Variants in SRGAP3 observed in about 807,000 individuals in gnomAD.
The protein encoded by SRGAP3 is SLIT-ROBO Rho GTPase activating protein 3.
In SRGAP3, 39 loss-of-function variants were observed where a neutral mutation model predicts 121.1. The ratio of observed to expected loss-of-function variants is 0.32; its 90% confidence interval spans 0.25 to 0.42. The LOEUF is 0.42. SRGAP3 is among the 10% of genes least tolerant of loss of function. The pLI, the probability that SRGAP3 is intolerant of heterozygous loss-of-function variation, is 1.00. For synonymous variants in SRGAP3, 601 were observed against 570.0 expected (o/e 1.05, Z -0.77); for missense variants, 1,213 against 1,470.6 (o/e 0.82, Z 2.86).
intron 1 of SRGAP3, among the ~76,000 whole-genome samples, chr3:9,355,437 T>C (rs2030443675): frequency 1.3e-5 from 2 of 152,328 alleles, no homozygotes; most frequent in South Asian, 4.1e-4. Flanking sequence ...ATCCATCCCA[T>C]CTCTCTTCCA....
intron 10 of SRGAP3, among the ~76,000 whole-genome samples, chr3:9,045,038 T>C (rs1468535949): frequency 6.6e-6 from 1 of 152,222 alleles, no homozygotes; most frequent in Non-Finnish European, 1.5e-5. Flanking sequence ...CAGTTAATAA[T>C]AATGTACCAT....
chr3:8,997,306 C>T (rs1942463275), intron 18 of SRGAP3, among the ~76,000 whole-genome samples: 1 of 152,220 alleles, frequency 6.6e-6, no homozygotes, highest in African/African-American at 2.4e-5. Flanking sequence ...CTGCACACCT[C>T]ATCCATTAGC....
At chr3:9,265,597 C>T (rs1041590577) in intron 3 of SRGAP3, among the ~76,000 whole-genome samples, 6 of 151,836 alleles carry the variant, frequency 4.0e-5, no homozygotes, top group East Asian at 1.9e-4. Flanking sequence ...GACATTTATG[C>T]GGCCTACAAA....
At chr3:8,993,883 G>A (rs1302822069) in intron 19 of SRGAP3, 1 of 184,740 alleles carries the variant, frequency 5.4e-6, no homozygotes, top group African/African-American at 2.4e-5. Flanking sequence ...TTGGGATGCA[G>A]GGCTCTTTTT....
chr3:9,231,381 C>A (rs963059522), intron 1 of SRGAP3, among the ~76,000 whole-genome samples: 3 of 152,126 alleles, frequency 2.0e-5, no homozygotes, highest in Non-Finnish European at 2.9e-5. Flanking sequence ...TGGAAGGATG[C>A]GGTTCTGTCT....
chr3:9,070,363 G>A (rs957967968), intron 4 of SRGAP3, among the ~76,000 whole-genome samples: 7 of 152,182 alleles, frequency 4.6e-5, no homozygotes, highest in African/African-American at 1.4e-4. Flanking sequence ...TTGTGTATGG[G>A]TGAAACCCTA....
chr3:9,349,125 T>C, intron 1 of SRGAP3: 2 of 819,684 alleles, frequency 2.4e-6, no homozygotes, highest in Non-Finnish European at 4.3e-6. Flanking sequence ...ATACAGTTCC[T>C]GGGGGATGAA....
chr3:9,355,360 T>G (rs1262107918), intron 1 of SRGAP3, among the ~76,000 whole-genome samples: 1 of 152,214 alleles, frequency 6.6e-6, no homozygotes, highest in Admixed American at 6.5e-5. Flanking sequence ...CCAGAGTGAT[T>G]GTCTGTTTGT....
At chr3:9,167,567 G>T (rs78832347) in intron 1 of SRGAP3, among the ~76,000 whole-genome samples, 82 of 152,252 alleles carry the variant, frequency 5.4e-4, no homozygotes, top group South Asian at 2.1e-3. Context: ...CAACGCCTAG[G>T]GGGGGAGCAG....
At chr3:9,312,454 G>A (rs139381418) in intron 3 of SRGAP3, among the ~76,000 whole-genome samples, 2 of 152,324 alleles carry the variant, frequency 1.3e-5, no homozygotes, top group East Asian at 3.9e-4. Context: ...ACCGCACCTG[G>A]CCGAGATTCA....
chr3:8,992,725 G>A, intron 20 of SRGAP3, 181 bp downstream of exon 20: 4 of 935,882 alleles, frequency 4.3e-6, no homozygotes, highest in Non-Finnish European at 6.8e-6. Context: ...CAGGCTGGAT[G>A]GTTCTATACC....
chr3:9,256,638 GC>G (rs1176197581), intron 3 of SRGAP3: 3 of 394,398 alleles, frequency 7.6e-6, no homozygotes, highest in Non-Finnish European at 1.3e-5. Flanking sequence ...TTAGTCTGAT[GC>G]ACATTTCCAG....
chr3:9,276,185 C>G (rs1954572636), intron 3 of SRGAP3, among the ~76,000 whole-genome samples: 1 of 152,140 alleles, frequency 6.6e-6, no homozygotes, highest in Admixed American at 6.5e-5. Context: ...TAATCCTAAC[C>G]CCTTCTTCTG....
chr3:9,237,526 T>C (rs1434021513), intron 1 of SRGAP3, among the ~76,000 whole-genome samples: 1 of 152,244 alleles, frequency 6.6e-6, no homozygotes, highest in African/African-American at 2.4e-5. Context: ...AGAGAGTTGC[T>C]GTTCGGCTAC....
At chr3:9,250,089 C>T (rs982553846), upstream of SRGAP3, among the ~76,000 whole-genome samples, 1 of 152,128 alleles carries the variant, frequency 6.6e-6, no homozygotes, top group Admixed American at 6.5e-5. Context: ...AGCAAAGCCA[C>T]GCAGAGCAGG....
intron 1 of SRGAP3, among the ~76,000 whole-genome samples, chr3:9,351,636 T>C (rs2030161420): frequency 6.6e-6 from 1 of 152,150 alleles, no homozygotes; most frequent in South Asian, 2.1e-4. Flanking sequence ...ACAAAAGTGG[T>C]CCCATAAGAT....
rs537879711 is a variant in SRGAP3, at chr3:9,031,446, G to A, written c.1539+1204C>T. On this transcript the variant is annotated intron_variant, in intron 12 of 21. Transcript: ENST00000383836. ...GCCCTTCCTTTTGGGAATCCTCTAC[G>A]CTTTGGTCTTCTTAGGCATCCTACA... Among the ~76,000 whole-genome samples the A allele has an allele frequency of 1.4e-4, 21 of 152,130 alleles. No homozygotes were observed. The South Asian group carries it at 3.5e-3, about 26-fold the overall frequency.
intron 2 of SRGAP3, among the ~76,000 whole-genome samples, chr3:9,111,616 G>A (rs557596401): frequency 1.3e-5 from 2 of 152,172 alleles, no homozygotes; most frequent in African/African-American, 2.4e-5. Context: ...CACGAGGGCC[G>A]CAGACCGCAG....
rs566285091 is a variant in SRGAP3, at chr3:9,015,479, C to G, written c.1813+118G>C. On this transcript the variant is annotated intron_variant, in intron 15 of 21. Transcript: ENST00000383836. ...CCGCTTTCAGTTCTACGAGGATGCACGTCACACTTCGCCTTTCATAATGTC... is the reference window on the plus strand; with the variant it reads ...CCGCTTTCAGTTCTACGAGGATGCAGGTCACACTTCGCCTTTCATAATGTC... The G allele has an allele frequency of 2.2e-6, 3 of 1,337,292 alleles. No homozygotes were observed. The East Asian group carries it at 7.1e-5, about 32-fold the overall frequency. 82.8% of individuals were successfully genotyped at this position (1,337,292 alleles called of 1,614,324 possible).
Sources: allele counts gnomAD v4.1 joint callset (sites outside exome capture counted in the v4.1 genomes callset), GRCh38; gene constraint gnomAD v4.1.1; transcripts MANE v1.5; gene names NCBI Gene and HGNC (gene_info 2026-07-23, HGNC 2026-07-21).